The following CCSER1 variants were observed in gnomAD, a reference collection of about 807,000 sequenced individuals.
CCSER1 encodes serine-rich coiled-coil domain-containing protein 1.
In CCSER1, 41 loss-of-function variants were observed where a neutral mutation model predicts 82.0. The ratio of observed to expected loss-of-function variants is 0.50; its 90% CI spans 0.39 to 0.65. The LOEUF is 0.65. CCSER1 is among the 30% of genes least tolerant of loss of function. The pLI is 0.00. For synonymous variants in CCSER1, 414 were observed against 383.9 expected (o/e 1.08, Z -0.92); for missense variants, 1,119 against 1,064.2 (o/e 1.05, Z -0.72).
At chr4:91,575,282 GA>G (rs1763395081) in intron 10 of CCSER1, among the ~76,000 whole-genome samples, 1 of 151,856 alleles carries the variant, frequency 6.6e-6, no homozygotes, top group African/African-American at 2.4e-5. Flanking sequence ...AAACCCAGGA[GA>G]AAAACTCATT....
chr4:90,836,659 A>G (rs559349837), intron 8 of CCSER1, among the ~76,000 whole-genome samples: 1 of 152,182 alleles, frequency 6.6e-6, no homozygotes. Flanking sequence ...CACACACTAG[A>G]GTGTGTGGGC....
intron 8 of CCSER1, among the ~76,000 whole-genome samples, chr4:90,860,612 T>C (rs1437773980): frequency 6.6e-6 from 1 of 151,730 alleles, no homozygotes; most frequent in Non-Finnish European, 1.5e-5. Context: ...AATAGCTCAA[T>C]GTGGAAATAA....
intron 6 of CCSER1, among the ~76,000 whole-genome samples, chr4:90,639,942 A>T (rs995134181): frequency 3.9e-5 from 6 of 152,102 alleles, no homozygotes; most frequent in Non-Finnish European, 7.4e-5. Flanking sequence ...TTAAAACCAG[A>T]TTAGGATGTG....
chr4:90,271,348 GAGCTCATTTTTGATAA>G (rs1726244184), intron 1 of CCSER1, among the ~76,000 whole-genome samples: 1 of 152,090 alleles, frequency 6.6e-6, no homozygotes, highest in African/African-American at 2.4e-5. Flanking sequence ...CATCTATGGT[GAGCTCATTTTTGATAA>G]AGCTGTGAAG....
At chr4:90,134,029 A>C (rs776961979) in intron 1 of CCSER1, among the ~76,000 whole-genome samples, 2 of 142,740 alleles carry the variant, frequency 1.4e-5, no homozygotes, top group Non-Finnish European at 3.0e-5. Context: ...AAATTATGAA[A>C]TATTATTTTA....
chr4:91,519,162 G>A (rs997336924), intron 10 of CCSER1, among the ~76,000 whole-genome samples: 5 of 152,200 alleles, frequency 3.3e-5, no homozygotes, highest in African/African-American at 9.7e-5. Flanking sequence ...TGCGCCCAAT[G>A]AGGAGATGTA....
rs927216899 is a variant in CCSER1 at position 90,158,707 on chromosome 4, C to T, written c.-42+30876C>T. Among the ~76,000 whole-genome samples the T allele has an allele frequency of 3.3e-5, 5 of 152,272 alleles. No individual in the cohort carries two copies. The South Asian group carries it at 8.3e-4, about 25-fold the overall frequency. ...AGGTGCGGGATATAATCTACTGCTGCGCCGTTTTTTAAGCCTGTCAGAAAA... is the reference window on the plus strand; with the variant it reads ...AGGTGCGGGATATAATCTACTGCTGTGCCGTTTTTTAAGCCTGTCAGAAAA... On this transcript the variant is annotated intron_variant, in intron 1 of 10. Coordinates refer to ENST00000509176, the MANE Select transcript of CCSER1 (RefSeq NM_001145065.2).
At chr4:90,961,571 T>C (rs1443217900) in intron 9 of CCSER1, among the ~76,000 whole-genome samples, 1 of 152,118 alleles carries the variant, frequency 6.6e-6, no homozygotes, top group Non-Finnish European at 1.5e-5. Context: ...AAAGTTTCAT[T>C]CATAAAGTAC....
intron 8 of CCSER1, among the ~76,000 whole-genome samples, chr4:90,917,989 A>G (rs1431247273): frequency 6.6e-6 from 1 of 152,066 alleles, no homozygotes; most frequent in East Asian, 1.9e-4. Flanking sequence ...TATTTTAAGC[A>G]GACTTTGTGT....
At chr4:91,225,332 ATTATATATG>A (rs1244131658) in intron 10 of CCSER1, among the ~76,000 whole-genome samples, 4 of 128,992 alleles carry the variant, frequency 3.1e-5, no homozygotes, top group African/African-American at 1.3e-4. Context: ...ATGTATATAT[ATTATATATG>A]TAATATATAT....
At chr4:91,363,372 TG>T (rs1749389697) in intron 10 of CCSER1, among the ~76,000 whole-genome samples, 2 of 151,248 alleles carry the variant, frequency 1.3e-5, no homozygotes, top group Admixed American at 1.3e-4. Flanking sequence ...TGTGTGTGTG[TG>T]TGTGTGTGTG....
chr4:90,747,171 GGC>G (rs1172991706), intron 7 of CCSER1, among the ~76,000 whole-genome samples: 16 of 151,996 alleles, frequency 1.1e-4, no homozygotes, highest in Non-Finnish European at 1.5e-5. Flanking sequence ...TATTAGGTTG[GGC>G]ATGTATTGAG....
chr4:90,141,516 A>G (rs901230483), intron 1 of CCSER1, among the ~76,000 whole-genome samples: 5 of 152,236 alleles, frequency 3.3e-5, no homozygotes, highest in African/African-American at 1.2e-4. Flanking sequence ...ATACAAAGAC[A>G]CAGGTCATCA....
intron 7 of CCSER1, among the ~76,000 whole-genome samples, chr4:90,763,154 A>G (rs542490012): frequency 6.6e-6 from 1 of 152,122 alleles, no homozygotes; most frequent in East Asian, 1.9e-4. Flanking sequence ...TATAGTGAGA[A>G]TTGTCATAAT....
chr4:90,269,094 G>T (rs1341142821), intron 1 of CCSER1, among the ~76,000 whole-genome samples: 1 of 152,092 alleles, frequency 6.6e-6, no homozygotes, highest in Non-Finnish European at 1.5e-5. Context: ...ACAATAGCTG[G>T]AGACTTCAAC....
intron 10 of CCSER1, among the ~76,000 whole-genome samples, chr4:91,162,205 T>G (rs551853543): frequency 1.6e-4 from 24 of 152,318 alleles, no homozygotes; most frequent in African/African-American, 5.5e-4. Flanking sequence ...GTTTTTGTCT[T>G]TGGTTCTGTT....
chr4:90,387,848 A>T (rs1488763754), intron 3 of CCSER1, among the ~76,000 whole-genome samples: 1 of 152,098 alleles, frequency 6.6e-6, no homozygotes, highest in African/African-American at 2.4e-5. Flanking sequence ...TTTTATCTGT[A>T]CCCTACCTCC....
In CCSER1 at chr4:90,526,083, T is replaced by A. The variant is rs970411607; in HGVS notation, c.1724+57729T>A. The stretch of plus-strand genomic sequence containing the variant: ...TAATTCTTTAAAATTATTTAATATA[T>A]GCCTTTGATATAAATATACTTCCCT... On this transcript the variant is annotated intron_variant, in intron 5 of 10. Coordinates refer to ENST00000509176, the MANE Select transcript of CCSER1 (RefSeq NM_001145065.2). Among the ~76,000 whole-genome samples the A allele has an allele frequency of 5.3e-5, 8 of 152,210 alleles. No homozygotes were observed. In the East Asian group the frequency reaches 1.5e-3, roughly 29 times the overall value.
chr4:91,228,954 A>G (rs1000131543), intron 10 of CCSER1, among the ~76,000 whole-genome samples: 2 of 152,082 alleles, frequency 1.3e-5, no homozygotes, highest in Non-Finnish European at 2.9e-5. Context: ...CGGAAAGACA[A>G]CAATCCTTTA....
Sources: allele counts gnomAD v4.1 joint callset (sites outside exome capture counted in the v4.1 genomes callset), GRCh38; gene constraint gnomAD v4.1.1; transcripts MANE v1.5; gene names NCBI Gene and HGNC (gene_info 2026-07-23, HGNC 2026-07-21).